The following PLCE1 variants were observed in gnomAD, a reference collection of about 807,000 sequenced individuals.
PLCE1 encodes phospholipase C epsilon 1, also known as 1-phosphatidylinositol 4,5-bisphosphate phosphodiesterase epsilon-1.
Under a neutral mutation model 242.8 loss-of-function variants are expected in PLCE1, and 119 were observed. The observed-to-expected ratio is 0.49, with a 90% CI of 0.42 to 0.57. The LOEUF (loss-of-function observed/expected upper bound fraction) is 0.57, where lower values mean the gene tolerates loss of function less well. Ranked by LOEUF, PLCE1 falls within the 20% of genes least tolerant of loss-of-function variation. The pLI is 0.00. For synonymous variants in PLCE1, 945 were observed against 1,017.4 expected (o/e 0.93, Z 1.35); for missense variants, 2,441 against 2,788.8 (o/e 0.88, Z 2.81).
chr10:94,021,511 C>T (rs1046845574), intron 1 of PLCE1, among the ~76,000 whole-genome samples: 1 of 151,954 alleles, frequency 6.6e-6, no homozygotes, highest in African/African-American at 2.4e-5. Context: ...ACTGCCCTTT[C>T]CCCATTTAAT....
chr10:94,070,137 A>G (rs573381641), intron 2 of PLCE1, among the ~76,000 whole-genome samples: 3 of 152,296 alleles, frequency 2.0e-5, no homozygotes, highest in African/African-American at 7.2e-5. Context: ...AGCTGTCACT[A>G]TGAGGTACTG....
At chr10:94,198,685 G>T (rs1564781251) in intron 4 of PLCE1, among the ~76,000 whole-genome samples, 1 of 152,202 alleles carries the variant, frequency 6.6e-6, no homozygotes, top group Non-Finnish European at 1.5e-5. Context: ...TTGACAGAAT[G>T]TAGCAGAAAT....
chr10:94,028,526 T>G (rs568681217), intron 1 of PLCE1, among the ~76,000 whole-genome samples: 72 of 152,272 alleles, frequency 4.7e-4, no homozygotes, highest in African/African-American at 1.7e-3. Flanking sequence ...AGCCACTAAG[T>G]ATAACCCACA....
At chr10:94,284,778 G>T in intron 21 of PLCE1, 70 bp from the exon 22 acceptor site, 1 of 839,094 alleles carries the variant, frequency 1.2e-6, no homozygotes, top group Non-Finnish European at 2.1e-6. Flanking sequence ...ACAGATAAAA[G>T]AGCTTTGGGA....
chr10:94,289,436 C>T (rs1433733490), intron 22 of PLCE1, among the ~76,000 whole-genome samples: 1 of 152,154 alleles, frequency 6.6e-6, no homozygotes, highest in Non-Finnish European at 1.5e-5. Flanking sequence ...ATCACTTAAT[C>T]AGGGAGAGAC....
At chr10:94,214,886 A>C (rs1285052650) in intron 4 of PLCE1, among the ~76,000 whole-genome samples, 1 of 152,078 alleles carries the variant, frequency 6.6e-6, no homozygotes, top group East Asian at 1.9e-4. Flanking sequence ...CCTTTTCCTA[A>C]GTAGTGTGGC....
At chr10:94,265,208 G>A (rs747134263) in intron 14 of PLCE1, among the ~76,000 whole-genome samples, 1 of 152,140 alleles carries the variant, frequency 6.6e-6, no homozygotes, top group Non-Finnish European at 1.5e-5. Flanking sequence ...TTTGATCACC[G>A]AAAATGCTAA....
At chr10:94,014,510 CTAAAAAA>C (rs1450604969) in intron 1 of PLCE1, among the ~76,000 whole-genome samples, 1 of 151,438 alleles carries the variant, frequency 6.6e-6, no homozygotes, top group Non-Finnish European at 1.5e-5. Context: ...GATCATGTCT[CTAAAAAA>C]TAAAAAATAA....
At chr10:94,051,634 A>G (rs1333412784) in intron 2 of PLCE1, among the ~76,000 whole-genome samples, 1 of 152,212 alleles carries the variant, frequency 6.6e-6, no homozygotes, top group Non-Finnish European at 1.5e-5. Flanking sequence ...TAAGATTGAA[A>G]CTTAAAGTGG....
At chr10:94,027,797 G>A (rs1315189922) in intron 1 of PLCE1, among the ~76,000 whole-genome samples, 2 of 151,580 alleles carry the variant, frequency 1.3e-5, no homozygotes, top group Non-Finnish European at 2.9e-5. Context: ...CTCCAGCCTG[G>A]CGACAGAGTG....
At chr10:94,110,188 G>T in intron 2 of PLCE1, among the ~76,000 whole-genome samples, 1 of 142,608 alleles carries the variant, frequency 7.0e-6, no homozygotes, top group Non-Finnish European at 1.5e-5. Context: ...TCAGCCTCCC[G>T]ACTAGCTGGG....
chr10:94,059,975 A>G (rs1325474241), intron 2 of PLCE1, among the ~76,000 whole-genome samples: 2 of 152,130 alleles, frequency 1.3e-5, no homozygotes, highest in African/African-American at 4.8e-5. Context: ...TACACCCTTC[A>G]ATTATATCAA....
chr10:94,321,629 GAAAA>G (rs34787476), intron 29 of PLCE1, among the ~76,000 whole-genome samples: 1 of 104,656 alleles, frequency 9.6e-6, no homozygotes, highest in Middle Eastern at 4.6e-3. Flanking sequence ...CTCCATCTCA[GAAAA>G]AAAAAAAAAA....
Position 94,171,059 on chromosome 10 carries a change from T to G in PLCE1, c.1493-121T>G, listed in dbSNP as rs2047958494. ...TGTAAAAAGAAAAATAGTACAGAACTCTTCACTAAGCAGAGGATTTGGTTA... is the reference window on the plus strand; with the variant it reads ...TGTAAAAAGAAAAATAGTACAGAACGCTTCACTAAGCAGAGGATTTGGTTA... On this transcript the variant is annotated intron_variant, in intron 3 of 32. Transcript: ENST00000371380. 7.1e-6 allele frequency: 6 copies of G among 847,618 alleles called. No individual in the cohort carries two copies. In the Admixed American group the frequency reaches 7.3e-5, roughly 10 times the overall value. The allele number at this position is 847,618 out of a possible 1,614,324, so 52.5% of individuals were successfully genotyped here.
rs577037409 is a variant in PLCE1, at chr10:94,237,895, T to C, written c.2420+1775T>C. Among the ~76,000 whole-genome samples the C allele has an allele frequency of 3.5e-4, 54 of 152,328 alleles. No individual in the cohort carries two copies. In the South Asian group the frequency reaches 0.011, roughly 32 times the overall value. On this transcript the variant is annotated intron_variant, in intron 7 of 32. Coordinates refer to ENST00000371380, the MANE Select transcript of PLCE1 (RefSeq NM_016341.4). ...AAAAGCCCATAGGAACTATGCTTTG[T>C]TGATCTGGCTGAAACAGAGACTCTA...
chr10:94,182,230 A>G (rs2048336442), intron 4 of PLCE1, among the ~76,000 whole-genome samples: 1 of 151,980 alleles, frequency 6.6e-6, no homozygotes, highest in South Asian at 2.1e-4. Flanking sequence ...ACATTTAAAT[A>G]AATGTAATGG....
chr10:94,260,478 T>C (rs1174271123), intron 13 of PLCE1, among the ~76,000 whole-genome samples: 1 of 152,140 alleles, frequency 6.6e-6, no homozygotes, highest in Non-Finnish European at 1.5e-5. Context: ...TGCTTCATAA[T>C]TATTTATAAG....
chr10:94,041,045 C>G (rs1032195288), intron 2 of PLCE1, among the ~76,000 whole-genome samples: 2 of 152,000 alleles, frequency 1.3e-5, no homozygotes, highest in African/African-American at 4.8e-5. Context: ...TACATGAAAC[C>G]TTTGCCTATC....
At chr10:94,113,565 T>C (rs967455870) in intron 2 of PLCE1, among the ~76,000 whole-genome samples, 4 of 152,228 alleles carry the variant, frequency 2.6e-5, no homozygotes, top group African/African-American at 4.8e-5. Flanking sequence ...CCAGGCACTA[T>C]GCTAAGTGCT....
Sources: gnomAD v4.1 joint callset for allele counts (sites outside exome capture counted in the v4.1 genomes callset) on GRCh38, gnomAD v4.1.1 for gene constraint, MANE v1.5 for transcripts, NCBI Gene and HGNC (gene_info 2026-07-23, HGNC 2026-07-21) for gene names.